DOCK1: variants seen among roughly 807,000 people sequenced by gnomAD.
DOCK1 encodes the protein dedicator of cytokinesis protein 1.
In DOCK1, 138 loss-of-function variants were observed where a neutral mutation model predicts 262.7. The ratio of observed to expected loss-of-function variants is 0.53; its 90% CI spans 0.46 to 0.61. The LOEUF (loss-of-function observed/expected upper bound fraction) is 0.61, where lower values mean the gene tolerates loss of function less well. Among genes scored for constraint, DOCK1 ranks in the 20% least tolerant of loss-of-function variants. The probability of loss-of-function intolerance (pLI) is 0.00; values close to 1 mark genes in which losing one functional copy is unlikely to be tolerated. For synonymous variants in DOCK1, 866 were observed against 867.4 expected (o/e 1.00, Z 0.03); for missense variants, 1,908 against 2,370.7 (o/e 0.80, Z 4.05).
chr10:126,947,377 G>A (rs1443206673), intron 1 of DOCK1, among the ~76,000 whole-genome samples: 11 of 143,496 alleles, frequency 7.7e-5, no homozygotes, highest in East Asian at 2.4e-4. Context: ...ACTGTTGGTG[G>A]TGATGGTGGT....
At chr10:126,997,224 CAG>C (rs1406749905) in intron 7 of DOCK1, among the ~76,000 whole-genome samples, 1 of 152,146 alleles carries the variant, frequency 6.6e-6, no homozygotes, top group East Asian at 1.9e-4. Flanking sequence ...TCATTGAGGG[CAG>C]AGAGTACATG....
rs969042173 is a variant in DOCK1, at chr10:127,008,254, C to T, written c.986-478C>T. On this transcript the variant is annotated intron_variant, in intron 10 of 51. Coordinates refer to ENST00000623213, the MANE Select transcript of DOCK1 (RefSeq NM_001290223.2). ...CTGGGACTACAGGTGCACACCACCA[C>T]GCCTGGATAATTTTTGTATTTCTTG... is the stretch of plus-strand genomic sequence containing the variant. Among the ~76,000 whole-genome samples, 12 of 152,192 alleles carry T rather than the reference C, an allele frequency of 7.9e-5. No individual in the cohort carries two copies. In the East Asian group the frequency reaches 9.7e-4, roughly 12 times the overall value.
At chr10:127,318,684 T>A (rs1455890386) in intron 29 of DOCK1, among the ~76,000 whole-genome samples, 1 of 152,156 alleles carries the variant, frequency 6.6e-6, no homozygotes, top group Non-Finnish European at 1.5e-5. Context: ...TGTGTGGACT[T>A]TTGCGCCAGG....
intron 27 of DOCK1, among the ~76,000 whole-genome samples, chr10:127,186,747 C>T (rs2056309447): frequency 6.6e-6 from 1 of 151,956 alleles, no homozygotes; most frequent in African/African-American, 2.4e-5. Context: ...TGCCACACTG[C>T]TGTTGTCCAT....
chr10:127,243,404 A>G (rs1167585649), intron 27 of DOCK1, among the ~76,000 whole-genome samples: 2 of 152,044 alleles, frequency 1.3e-5, no homozygotes, highest in Non-Finnish European at 2.9e-5. Context: ...CTCCACCACC[A>G]GCACCCCATT....
At chr10:127,245,640 G>T (rs988250062) in intron 27 of DOCK1, among the ~76,000 whole-genome samples, 1 of 152,164 alleles carries the variant, frequency 6.6e-6, no homozygotes, top group Non-Finnish European at 1.5e-5. Flanking sequence ...TCCGCATGAC[G>T]TGACAGTCTG....
intron 38 of DOCK1, among the ~76,000 whole-genome samples, chr10:127,394,186 C>T (rs1003049728): frequency 6.6e-6 from 1 of 152,066 alleles, no homozygotes; most frequent in Non-Finnish European, 1.5e-5. Flanking sequence ...CAACACCAGC[C>T]ACCTCTGAAA....
At chr10:127,254,349 T>C (rs143509831) in intron 28 of DOCK1, among the ~76,000 whole-genome samples, 3 of 152,328 alleles carry the variant, frequency 2.0e-5, no homozygotes, top group Non-Finnish European at 4.4e-5. Flanking sequence ...CCTTGTAATA[T>C]GCCTTTCGAC....
rs1591094082 is a variant in DOCK1 at position 127,446,119 on chromosome 10, G to A, written c.5414-1275G>A. Among the ~76,000 whole-genome samples, 1 of 152,140 alleles carries A rather than the reference G, an allele frequency of 6.6e-6. No homozygotes were observed. ...ACAATAATTAGCTGGGTGTGGTGGT[G>A]CGTGCCTATAATCTCAGCTACTCAG... On this transcript the variant is annotated intron_variant, in intron 50 of 51. Transcript: ENST00000623213. This position sits in a 1 kb window ranked among gnomAD's most constrained non-coding sequence, Gnocchi z 4.4.
chr10:127,227,100 T>C (rs1251569785), intron 27 of DOCK1, among the ~76,000 whole-genome samples: 1 of 152,202 alleles, frequency 6.6e-6, no homozygotes, highest in Admixed American at 6.5e-5. Flanking sequence ...AGGAATCTCG[T>C]TGAAGTCCAG....
At chr10:127,015,667 C>G (rs897482009) in intron 12 of DOCK1, among the ~76,000 whole-genome samples, 3 of 152,180 alleles carry the variant, frequency 2.0e-5, no homozygotes, top group Admixed American at 2.0e-4. Context: ...CGTGGTTCTG[C>G]TGACTTGACC....
At chr10:127,213,786 T>C (rs2058081972) in intron 27 of DOCK1, among the ~76,000 whole-genome samples, 1 of 152,182 alleles carries the variant, frequency 6.6e-6, no homozygotes, top group African/African-American at 2.4e-5. Context: ...GCTGTGAGCT[T>C]CCCCTGTAGA....
At chr10:126,994,460 C>T (rs1208938777) in intron 6 of DOCK1, among the ~76,000 whole-genome samples, 1 of 152,150 alleles carries the variant, frequency 6.6e-6, no homozygotes, top group East Asian at 1.9e-4. Context: ...AGGCAGAGGA[C>T]CCTGCGGCCT....
intron 29 of DOCK1, among the ~76,000 whole-genome samples, chr10:127,293,833 C>G (rs752896229): frequency 2.0e-5 from 3 of 152,226 alleles, no homozygotes; most frequent in Non-Finnish European, 2.9e-5. Flanking sequence ...AAAGAAAAGA[C>G]TCTTCATTGT....
At chr10:127,349,171 T>C (rs532329971) in intron 31 of DOCK1, among the ~76,000 whole-genome samples, 14 of 152,122 alleles carry the variant, frequency 9.2e-5, no homozygotes, top group African/African-American at 3.1e-4. Context: ...CAGCTTCCTT[T>C]AGGTCCATCT....
chr10:127,322,692 A>G (rs1202093126), intron 29 of DOCK1, among the ~76,000 whole-genome samples: 1 of 152,242 alleles, frequency 6.6e-6, no homozygotes, highest in Non-Finnish European at 1.5e-5. Flanking sequence ...TCTATACATA[A>G]AGTTTTATTG....
At chr10:127,010,169 T>G (rs2041321766) in intron 11 of DOCK1, among the ~76,000 whole-genome samples, 1 of 152,186 alleles carries the variant, frequency 6.6e-6, no homozygotes, top group Non-Finnish European at 1.5e-5. Context: ...TGTGGCTATT[T>G]AAAATACTTA....
intron 49 of DOCK1, among the ~76,000 whole-genome samples, chr10:127,442,567 G>A (rs1203300169): frequency 1.3e-5 from 2 of 152,186 alleles, no homozygotes; most frequent in Non-Finnish European, 2.9e-5. Context: ...AAGGGCTTAG[G>A]TGGGGGAAAG....
intron 33 of DOCK1, among the ~76,000 whole-genome samples, chr10:127,364,412 G>A (rs1178243474): frequency 6.6e-6 from 1 of 152,134 alleles, no homozygotes; most frequent in East Asian, 1.9e-4. Flanking sequence ...CTGTTGCCAG[G>A]CAGGAATGCA....
Sources: gnomAD v4.1 joint callset for allele counts (sites outside exome capture counted in the v4.1 genomes callset) on GRCh38, gnomAD v4.1.1 for gene constraint, Gnocchi (gnomAD v3.1) non-coding constraint, MANE v1.5 for transcripts, NCBI Gene and HGNC (gene_info 2026-07-23, HGNC 2026-07-21) for gene names.